Variants in TTC21A observed in about 807,000 individuals in gnomAD.
TTC21A encodes tetratricopeptide repeat protein 21A.
In TTC21A, 128 loss-of-function variants were observed where a neutral mutation model predicts 156.4. That is an observed-to-expected ratio of 0.82 (90% CI 0.71 to 0.95). TTC21A has a LOEUF of 0.95. TTC21A is among the 40% of genes least tolerant of loss of function. TTC21A has a pLI of 0.00. For missense variants in TTC21A, 1,435 were observed against 1,602.3 expected (o/e 0.90, Z 1.78); for synonymous variants, 587 against 617.1 (o/e 0.95, Z 0.72).
chr3:39,121,529 C>T (rs1409694578), intron 9 of TTC21A, among the ~76,000 whole-genome samples: 3 of 152,196 alleles, frequency 2.0e-5, no homozygotes, highest in Non-Finnish European at 4.4e-5. Flanking sequence ...GTTCTACTCA[C>T]CACCAGTCCC....
At position 39,109,173 on chromosome 3, in the gene TTC21A, C is replaced by A. The variant is rs1280944591; in HGVS notation, c.116C>A (p.Pro39His). 1.2e-6 allele frequency: 2 copies of A among 1,614,148 alleles called. No individual in the cohort carries two copies. The highest frequency in any genetic ancestry group is 1.7e-6 in the Non-Finnish European group (2 of 1,179,984). ...GGCCTGGAAAAATTCAGCAATGACC[C>A]TGTGTTGAAGTTCTTTAAAGCCTAT... is the stretch of plus-strand genomic sequence containing the variant. ...AVGLEKFSND[P>H]VLKFFKAYGV... The change falls in exon 2 of 29, where the codon CCT becomes CAT. Residue 39 changes from proline to histidine, a missense_variant. Pro to His is a moderately conservative substitution (Grantham distance 77). Transcript: ENST00000683103.
chr3:39,130,186 C>T lies in TTC21A; in HGVS notation c.2208+35C>T. 1 of 1,612,158 alleles carries T rather than the reference C, an allele frequency of 6.2e-7. No homozygotes were observed. The highest frequency in any genetic ancestry group is 8.5e-7 in the Non-Finnish European group (1 of 1,178,840). On this transcript the variant is annotated intron_variant, in intron 16 of 28. Coordinates refer to ENST00000683103, the MANE Select transcript of TTC21A (RefSeq NM_001366900.1). The surrounding 1 kb of genome is among the most constrained non-coding windows in gnomAD (Gnocchi z 4.5). ...AGGCCTCACAGCCTTGCCAAGTGGC[C>T]CCCCAGTCTCCCTTCTCCAGTGGGA...
At chr3:39,123,950 A>G (rs2037989482) in intron 9 of TTC21A, among the ~76,000 whole-genome samples, 1 of 152,216 alleles carries the variant, frequency 6.6e-6, no homozygotes. Flanking sequence ...CTAATAGTTA[A>G]AAAAGGTGTT....
chr3:39,121,164 C>T lies in TTC21A; in HGVS notation c.1068C>T (p.Asp356=), dbSNP rs752448296. The part of the protein sequence containing the change: ...LLWYSEAMKL[D]KDGMAGLTGI... ...GGTATTCAGAAGCCATGAAACTGGA[C>T]AAGGATGGCATGGCTGGTTTGACAG... The change falls in exon 9 of 29, where the codon GAC becomes GAT. Residue 356 remains aspartate (D), a synonymous_variant. Transcript: ENST00000683103. 1.4e-5 allele frequency: 23 copies of T among 1,613,408 alleles called. No individual in the cohort carries two copies. Among genetic ancestry groups the T allele is most frequent in the Non-Finnish European group, 1.9e-5 (22 of 1,179,654 alleles).
rs35934336 is a variant in TTC21A at position 39,136,946 on chromosome 3, G to T, written c.3143G>T (p.Arg1048Leu). The T allele has an allele frequency of 0.056, 90,096 of 1,614,204 alleles. 2,871 individuals are homozygous for T. Among genetic ancestry groups the T allele is most frequent in the Non-Finnish European group, 0.064 (74,978 of 1,180,020 alleles). ...NEALKFLNKARKDSTWGQSAI... is the reference protein window; with the variant it reads ...NEALKFLNKALKDSTWGQSAI... ...GCCTTAAAGTTCCTGAACAAGGCACGCAAGGACAGCACTTGGGGCCAGAGC... is the reference window on the plus strand; with the variant it reads ...GCCTTAAAGTTCCTGAACAAGGCACTCAAGGACAGCACTTGGGGCCAGAGC... Residue 1048 changes from arginine to leucine, a missense_variant, in exon 24 of 29, where the codon CGC (arginine) becomes CTC (leucine). By Grantham distance (102) the Arg-to-Leu change is moderately radical (BLOSUM62 -2). Transcript: ENST00000683103.
In TTC21A at chr3:39,135,090, T is replaced by C. The variant is rs550739018; in HGVS notation, c.2863-3T>C. On this transcript the variant is annotated splice_region_variant and splice_polypyrimidine_tract_variant and intron_variant, in intron 21 of 28. Transcript: ENST00000683103. Reference sequence around the variant, plus strand: ...ATCTGGAGCTTTGTGTGTTTTCTGATAGTTGATGGCTGACCTGATGTTTAG... The same window carrying C: ...ATCTGGAGCTTTGTGTGTTTTCTGACAGTTGATGGCTGACCTGATGTTTAG... 2.2e-5 allele frequency: 35 copies of C among 1,613,924 alleles called. No homozygotes were observed. Among genetic ancestry groups the C allele is most frequent in the Admixed American group, 5.0e-5 (3 of 60,016 alleles).
chr3:39,132,971 T>C (rs784491), intron 19 of TTC21A, 81 bp from the exon 20 acceptor site: 1,128,386 of 1,507,634 alleles, frequency 0.75, 425,328 homozygotes, highest in South Asian at 0.79. Context: ...ACTTCTGGCT[T>C]TGAATTAAGA....
Position 39,119,593 on chromosome 3 carries a change from G to C in TTC21A, c.802-329G>C, listed in dbSNP as rs76353578. The stretch of plus-strand genomic sequence containing the variant: ...TTCTCTTCACAAACTCAGGAACAGG[G>C]CTACTCTATGGGTTAGCCCTGCTCC... On this transcript the variant is annotated intron_variant, in intron 7 of 28. Coordinates refer to ENST00000683103, the MANE Select transcript of TTC21A (RefSeq NM_001366900.1). The C allele has an allele frequency of 8.6e-3, 1,399 of 162,790 alleles. 9 individuals carry two copies. The highest frequency in any genetic ancestry group is 0.014 in the Non-Finnish European group (1,086 of 79,664). 10.1% of individuals were successfully genotyped at this position (162,790 alleles called of 1,614,324 possible).
At chr3:39,120,084 T>C in intron 8 of TTC21A, 64 bp downstream of exon 8, 1 of 1,256,508 alleles carries the variant, frequency 8.0e-7, no homozygotes, top group Non-Finnish European at 1.2e-6. Flanking sequence ...AGGAGAACTG[T>C]GCTCCCCCAG....
Position 39,137,684 on chromosome 3 carries a change from C to T in TTC21A, c.3649C>T (p.Leu1217=), listed in dbSNP as rs375528087. The T allele has an allele frequency of 1.1e-5, 17 of 1,613,344 alleles. No individual in the cohort carries two copies. Among genetic ancestry groups the T allele is most frequent in the Non-Finnish European group, 1.4e-5 (17 of 1,179,718 alleles). ...GSKFDLALEL[L]RRCVQYNKSC... ...CAAGTTCGACCTCGCCTTAGAACTG[C>T]TGCGGCGCTGTGTGCAATACAACAA... Residue 1217 remains leucine (L), a synonymous_variant, in exon 26 of 29, where the codon CTG becomes TTG. Transcript: ENST00000683103.
In TTC21A at chr3:39,137,730, C is replaced by T. The variant is rs542713487; in HGVS notation, c.3675+20C>T. ...AACAAGGCAAGGAGCCACACACACA[C>T]TAGGGCTGCGGGATGGCGGAAAGGA... On this transcript the variant is annotated intron_variant, in intron 26 of 28. Coordinates refer to ENST00000683103, the MANE Select transcript of TTC21A (RefSeq NM_001366900.1). The T allele has an allele frequency of 3.9e-5, 63 of 1,598,944 alleles. No individual in the cohort carries two copies. The highest frequency in any genetic ancestry group is 5.1e-5 in the Non-Finnish European group (60 of 1,172,684).
At chr3:39,136,803 C>T (rs947445829) in intron 23 of TTC21A, 96 bp from the exon 24 acceptor site, 5 of 1,460,750 alleles carry the variant, frequency 3.4e-6, no homozygotes, top group Non-Finnish European at 4.7e-6. Flanking sequence ...GATCCAGCCT[C>T]TGCTTTGTGC....
intron 5 of TTC21A, 24 bp from the exon 6 acceptor site, chr3:39,114,561 G>T (rs1559673793): frequency 6.2e-7 from 1 of 1,613,018 alleles, no homozygotes; most frequent in Admixed American, 1.7e-5. Context: ...CTTCACGGAG[G>T]CTCTTCTGTC....
chr3:39,114,078 G>A (rs944768392), intron 5 of TTC21A, among the ~76,000 whole-genome samples: 5 of 152,222 alleles, frequency 3.3e-5, no homozygotes, highest in African/African-American at 1.2e-4. Context: ...CATGACCACA[G>A]CCCAATAGGC....
Position 39,128,356 on chromosome 3 carries a change from C to T in TTC21A, c.1548C>T (p.Ile516=). 3 of 1,614,200 alleles carry T rather than the reference C, an allele frequency of 1.9e-6. No homozygotes were observed. The highest frequency in any genetic ancestry group is 1.7e-4 in the Middle Eastern group (1 of 6,060). ...GAGAGCTAGAGAATGCCCAGAGCAT[C>T]CTGCAGCGTTGCCTGGAGCTGGACC... The part of the protein sequence containing the change: ...YSGELENAQS[I]LQRCLELDPA... Residue 516 remains isoleucine, a synonymous_variant, in exon 13 of 29, where the codon ATC becomes ATT. Transcript: ENST00000683103.
chr3:39,110,194 C>A (rs777496433), intron 3 of TTC21A, 55 bp downstream of exon 3: 31 of 1,368,920 alleles, frequency 2.3e-5, no homozygotes, highest in Non-Finnish European at 3.1e-5. Flanking sequence ...GAAAGCCCTG[C>A]CCCAGAGATA....
chr3:39,112,701 G>A, intron 5 of TTC21A, 121 bp downstream of exon 5: 1 of 1,460,480 alleles, frequency 6.8e-7, no homozygotes. Flanking sequence ...CGTAGATAAA[G>A]AGCAGAGGCC....
chr3:39,132,278 G>C (rs1284279796), intron 19 of TTC21A, among the ~76,000 whole-genome samples: 1 of 152,224 alleles, frequency 6.6e-6, no homozygotes, highest in Non-Finnish European at 1.5e-5. Context: ...GCACGTGACT[G>C]TACCAGCAAG....
rs1157889164 is a variant in TTC21A, at chr3:39,134,434, C to G, written c.2862+106C>G. ...TAGCCCCGTAACCTCAGATGCCTCA[C>G]TGACACACCTCTGAGGAGCTGTCGG... On this transcript the variant is annotated intron_variant, in intron 21 of 28. Transcript: ENST00000683103. The surrounding 1 kb of genome is among the most constrained non-coding windows in gnomAD (Gnocchi z 4.6). The G allele has an allele frequency of 1.2e-6, 1 of 819,006 alleles. No homozygotes were observed. The highest frequency in any genetic ancestry group is 2.2e-6 in the Non-Finnish European group (1 of 460,112). 50.7% of individuals were successfully genotyped at this position (819,006 alleles called of 1,614,324 possible).
Sources: gnomAD v4.1 joint callset for allele counts (sites outside exome capture counted in the v4.1 genomes callset) on GRCh38, gnomAD v4.1.1 for gene constraint, Gnocchi (gnomAD v3.1) non-coding constraint, MANE v1.5 for transcripts, NCBI Gene and HGNC (gene_info 2026-07-23, HGNC 2026-07-21) for gene names.